The following SKAP1 variants were observed in gnomAD, a reference collection of about 807,000 sequenced individuals.
The protein encoded by SKAP1 is src kinase-associated phosphoprotein 1.
Under a neutral mutation model 58.5 loss-of-function variants are expected in SKAP1, and 44 were observed. That is an observed-to-expected ratio of 0.75 (90% confidence interval 0.59 to 0.97). The LOEUF (loss-of-function observed/expected upper bound fraction) is 0.97, where lower values mean the gene tolerates loss of function less well. SKAP1 is among the 50% of genes least tolerant of loss of function. The pLI is 0.00. For synonymous variants in SKAP1, 127 were observed against 149.7 expected (o/e 0.85, Z 1.11); for missense variants, 390 against 435.2 (o/e 0.90, Z 0.92).
chr17:48,230,010 C>CT (rs796773440), intron 4 of SKAP1, among the ~76,000 whole-genome samples: 6 of 152,304 alleles, frequency 3.9e-5, no homozygotes, highest in African/African-American at 1.4e-4. Flanking sequence ...CTGACAGTCT[C>CT]TGTTAGAAGG....
chr17:48,337,072 T>A (rs2066581909), intron 4 of SKAP1, among the ~76,000 whole-genome samples: 1 of 152,186 alleles, frequency 6.6e-6, no homozygotes, highest in Admixed American at 6.5e-5. Context: ...AAACTTCCCA[T>A]AAAGGAACAA....
chr17:48,275,544 A>C (rs921919165), intron 4 of SKAP1, among the ~76,000 whole-genome samples: 1 of 152,186 alleles, frequency 6.6e-6, no homozygotes, highest in Non-Finnish European at 1.5e-5. Context: ...TTCATCTCTG[A>C]AAAGCCTTTC....
At chr17:48,179,534 A>G (rs953031675) in intron 9 of SKAP1, among the ~76,000 whole-genome samples, 1 of 152,224 alleles carries the variant, frequency 6.6e-6, no homozygotes, top group African/African-American at 2.4e-5. Context: ...ATGTGATTTG[A>G]TTCATGGTAT....
At chr17:48,234,926 G>A (rs950662124) in intron 4 of SKAP1, among the ~76,000 whole-genome samples, 2 of 152,108 alleles carry the variant, frequency 1.3e-5, no homozygotes, top group Non-Finnish European at 2.9e-5. Context: ...TTTTAGCCTT[G>A]GTTTTATGTT....
At chr17:48,423,947 T>C (rs2067824694) in intron 1 of SKAP1, among the ~76,000 whole-genome samples, 1 of 151,776 alleles carries the variant, frequency 6.6e-6, no homozygotes, top group South Asian at 2.1e-4. Context: ...GACATTAGGG[T>C]AAAACTATTT....
At chr17:48,139,130 C>T (rs1278271335) in intron 11 of SKAP1, among the ~76,000 whole-genome samples, 1 of 151,808 alleles carries the variant, frequency 6.6e-6, no homozygotes, top group Non-Finnish European at 1.5e-5. Flanking sequence ...CTGCTCACCT[C>T]GGCCTCTCAG....
chr17:48,420,863 GCTT>G (rs2067784874), intron 1 of SKAP1, among the ~76,000 whole-genome samples: 1 of 152,140 alleles, frequency 6.6e-6, no homozygotes, highest in Admixed American at 6.6e-5. Flanking sequence ...AGCATCCTTA[GCTT>G]CTACCCACTA....
rs746277085 is a variant in SKAP1 at position 48,204,962 on chromosome 17, C to CTT, written c.281-15464_281-15463dup. The stretch of plus-strand genomic sequence containing the variant: ...CTTCCTCCCTCCCTCCTTCCTCTTT[C>CTT]TTTTCTTTTCTTTTCTTTCTTTCTT... On this transcript the variant is annotated intron_variant, in intron 4 of 12. Transcript: ENST00000336915. Among the ~76,000 whole-genome samples, 47 of 57,216 alleles carry CTT rather than the reference C, an allele frequency of 8.2e-4. 1 individual carries two copies. Among genetic ancestry groups the CTT allele is most frequent in the Admixed American group, 2.1e-3 (10 of 4,768 alleles). The allele number at this position is 57,216 out of a possible 152,430, so 37.5% of individuals were successfully genotyped here. A position where few individuals can be genotyped will look rare whatever the true frequency, so the allele number is the denominator to read the frequency against.
chr17:48,345,992 G>A lies in SKAP1; in HGVS notation c.193C>T (p.Gln65Ter), dbSNP rs765511266. 1 of 1,605,254 alleles carries A rather than the reference G, an allele frequency of 6.2e-7. No individual in the cohort carries two copies. The highest frequency in any genetic ancestry group is 1.1e-5 in the South Asian group (1 of 89,428). Residue 65 changes from glutamine (Q) to a stop codon, truncating the protein, a stop_gained, in exon 4 of 13, where the codon CAG becomes TAG. Transcript: ENST00000336915. LOFTEE classifies it high-confidence loss of function. ...CTGTGATTATCATCAGAGCTGTCCTGTCCAATGTCTCCCCCTGAGGGACAA... is the reference window on the plus strand; with the variant it reads ...CTGTGATTATCATCAGAGCTGTCCTATCCAATGTCTCCCCCTGAGGGACAA... The part of the protein sequence containing the change: ...DFQPQGGDIG[Q>*]DSSDDNHSGT...
intron 4 of SKAP1, among the ~76,000 whole-genome samples, chr17:48,265,468 G>A (rs1396948071): frequency 3.3e-5 from 5 of 150,474 alleles, no homozygotes; most frequent in African/African-American, 7.3e-5. Context: ...CCGCACCACT[G>A]CACTCCAGCC....
At chr17:48,430,343 C>T, upstream of SKAP1, 1 of 250,900 alleles carries the variant, frequency 4.0e-6, no homozygotes, top group South Asian at 1.7e-4. Flanking sequence ...GTGCACGTGG[C>T]GCTCACGCCG....
intron 4 of SKAP1, among the ~76,000 whole-genome samples, chr17:48,300,173 T>C (rs1482853248): frequency 6.6e-6 from 1 of 152,180 alleles, no homozygotes; most frequent in Non-Finnish European, 1.5e-5. Context: ...GGCTCTGCCA[T>C]TCTCAGTCAA....
At chr17:48,216,627 G>A (rs1322606954) in intron 4 of SKAP1, among the ~76,000 whole-genome samples, 2 of 151,878 alleles carry the variant, frequency 1.3e-5, no homozygotes, top group Non-Finnish European at 1.5e-5. Context: ...GAGTAGCTGC[G>A]ACTACAGGTG....
intron 4 of SKAP1, among the ~76,000 whole-genome samples, chr17:48,272,568 T>C (rs1441508139): frequency 6.6e-6 from 1 of 152,156 alleles, no homozygotes; most frequent in African/African-American, 2.4e-5. Flanking sequence ...TTTATTTTTA[T>C]TTTTTGAGAA....
intron 4 of SKAP1, among the ~76,000 whole-genome samples, chr17:48,209,939 T>C (rs754899005): frequency 6.6e-6 from 1 of 152,250 alleles, no homozygotes; most frequent in African/African-American, 2.4e-5. Context: ...TTGGGGCCCA[T>C]TCCCTTAGAT....
chr17:48,416,784 A>C (rs2067736385), intron 1 of SKAP1, among the ~76,000 whole-genome samples: 1 of 152,240 alleles, frequency 6.6e-6, no homozygotes, highest in Non-Finnish European at 1.5e-5. Flanking sequence ...TAGAAACAAA[A>C]ATAATAATTC....
intron 4 of SKAP1, among the ~76,000 whole-genome samples, chr17:48,265,484 C>A (rs1261448461): frequency 5.0e-5 from 7 of 139,320 alleles, no homozygotes; most frequent in Non-Finnish European, 1.1e-4. Context: ...CAGCCTGGGC[C>A]TGTCTCAAAA....
intron 4 of SKAP1, among the ~76,000 whole-genome samples, chr17:48,220,904 C>G (rs1257562915): frequency 7.2e-6 from 1 of 139,272 alleles, no homozygotes; most frequent in Non-Finnish European, 1.5e-5. Context: ...GAAAGAGAAG[C>G]TTTAGGGGTG....
chr17:48,385,281 C>T (rs965418010), intron 2 of SKAP1, among the ~76,000 whole-genome samples: 4 of 150,416 alleles, frequency 2.7e-5, no homozygotes, highest in Admixed American at 2.0e-4. Context: ...CCAGAAATAG[C>T]TACTCTAGGC....
Sources: gnomAD v4.1 joint callset for allele counts (sites outside exome capture counted in the v4.1 genomes callset) on GRCh38, gnomAD v4.1.1 for gene constraint, MANE v1.5 for transcripts, NCBI Gene and HGNC (gene_info 2026-07-23, HGNC 2026-07-21) for gene names.